FOXP2: variants seen among roughly 807,000 people sequenced by gnomAD.
FOXP2 encodes forkhead box P2, also known as forkhead box protein P2.
In FOXP2, 12 loss-of-function variants were observed where a neutral mutation model predicts 115.8. The ratio of observed to expected loss-of-function variants is 0.10; its 90% CI spans 0.07 to 0.17. The LOEUF is 0.17. FOXP2 is among the 10% of genes least tolerant of loss of function. The pLI, the probability that FOXP2 is intolerant of heterozygous loss-of-function variation, is 1.00. For synonymous variants in FOXP2, 328 were observed against 297.7 expected, an observed-to-expected ratio of 1.10 and a Z score of -1.05; for missense variants, 629 against 843.5, an observed-to-expected ratio of 0.75 and a Z score of 3.15.
chr7:114,146,269 G>A (rs1386572998), intron 1 of FOXP2, among the ~76,000 whole-genome samples: 1 of 152,174 alleles, frequency 6.6e-6, no homozygotes, highest in Non-Finnish European at 1.5e-5. Flanking sequence ...TAAATAACTC[G>A]TACATGCTTA....
intron 3 of FOXP2, among the ~76,000 whole-genome samples, chr7:114,572,838 A>G (rs181965718): frequency 1.3e-5 from 2 of 151,916 alleles, no homozygotes; most frequent in African/African-American, 4.8e-5. Context: ...AAAATGAGAC[A>G]TGAAGAAGTG....
At chr7:114,670,116 C>T (rs551039024) in intron 16 of FOXP2, 1 of 151,922 alleles carries the variant, frequency 6.6e-6, no homozygotes, top group Non-Finnish European at 1.5e-5. Context: ...TCCTCTTAGC[C>T]TCTATGTCAT....
chr7:114,112,035 A>T (rs2129142309), intron 1 of FOXP2, among the ~76,000 whole-genome samples: 1 of 152,216 alleles, frequency 6.6e-6, no homozygotes, highest in Admixed American at 6.5e-5. Context: ...ACAGGGACCA[A>T]ATATAGCAGC....
chr7:114,182,310 TTAGTAC>T (rs1793478578), intron 1 of FOXP2, among the ~76,000 whole-genome samples: 2 of 152,052 alleles, frequency 1.3e-5, no homozygotes, highest in African/African-American at 4.8e-5. Flanking sequence ...AACCAACTGT[TTAGTAC>T]TAGGTTCAAT....
chr7:114,186,520 C>T (rs1326277139), intron 1 of FOXP2, among the ~76,000 whole-genome samples: 1 of 104,828 alleles, frequency 9.5e-6, no homozygotes, highest in African/African-American at 2.6e-5. Context: ...GGGAATCGGG[C>T]CCCCAAGGCC....
chr7:114,688,450 T>C (rs1227368044), intron 16 of FOXP2, among the ~76,000 whole-genome samples: 3 of 152,198 alleles, frequency 2.0e-5, no homozygotes, highest in Admixed American at 6.6e-5. Flanking sequence ...CAAAGTTACT[T>C]CTTTCATTGA....
At chr7:114,582,693 A>G (rs938842114) in intron 3 of FOXP2, among the ~76,000 whole-genome samples, 1 of 152,220 alleles carries the variant, frequency 6.6e-6, no homozygotes, top group African/African-American at 2.4e-5. Flanking sequence ...AACTTTTTAA[A>G]TAATTGGTTA....
chr7:114,408,467 C>G (rs999665942), intron 2 of FOXP2, among the ~76,000 whole-genome samples: 1 of 152,118 alleles, frequency 6.6e-6, no homozygotes, highest in Non-Finnish European at 1.5e-5. Flanking sequence ...TGGCTCACAC[C>G]TGTAATTCCA....
At chr7:114,111,514 G>C (rs981026736) in intron 1 of FOXP2, among the ~76,000 whole-genome samples, 1 of 152,042 alleles carries the variant, frequency 6.6e-6, no homozygotes, top group Non-Finnish European at 1.5e-5. Flanking sequence ...GAGGTGGTTT[G>C]TTATATAGCA....
intron 1 of FOXP2, among the ~76,000 whole-genome samples, chr7:114,220,313 GA>G (rs1794590306): frequency 6.6e-6 from 1 of 151,928 alleles, no homozygotes; most frequent in Admixed American, 6.6e-5. Context: ...AAGATATAGG[GA>G]AAAATATGTT....
chr7:114,433,975 G>A (rs1420607297), intron 2 of FOXP2, among the ~76,000 whole-genome samples: 1 of 151,874 alleles, frequency 6.6e-6, no homozygotes, highest in Non-Finnish European at 1.5e-5. Flanking sequence ...TAATAGGCAT[G>A]ATATGGCTGC....
At chr7:114,384,676 A>G (rs1792397508) in intron 2 of FOXP2, among the ~76,000 whole-genome samples, 1 of 152,010 alleles carries the variant, frequency 6.6e-6, no homozygotes, top group Non-Finnish European at 1.5e-5. Context: ...TTGGAGTTAC[A>G]TTACCCTTTT....
At chr7:114,231,981 C>A in intron 1 of FOXP2, among the ~76,000 whole-genome samples, 1 of 151,808 alleles carries the variant, frequency 6.6e-6, no homozygotes, top group Non-Finnish European at 1.5e-5. Context: ...GAATTAATAT[C>A]TTAAAAAAAG....
chr7:114,590,802 T>C (rs1802403294), intron 3 of FOXP2, among the ~76,000 whole-genome samples: 1 of 152,100 alleles, frequency 6.6e-6, no homozygotes, highest in Non-Finnish European at 1.5e-5. Flanking sequence ...TCTTCTTGGC[T>C]TGCAGGATAT....
At chr7:114,599,099 C>A (rs1411804118) in intron 3 of FOXP2, among the ~76,000 whole-genome samples, 2 of 151,964 alleles carry the variant, frequency 1.3e-5, no homozygotes, top group African/African-American at 4.8e-5. Context: ...CCTGGGACTT[C>A]CAGTAAGAGT....
chr7:114,122,301 ATATAG>A (rs1020054971), intron 1 of FOXP2, among the ~76,000 whole-genome samples: 6 of 152,032 alleles, frequency 3.9e-5, no homozygotes, highest in African/African-American at 1.4e-4. Flanking sequence ...TTGATTCCAA[ATATAG>A]TAGAGTTTTT....
At chr7:114,606,718 A>G (rs1408926521) in intron 3 of FOXP2, among the ~76,000 whole-genome samples, 1 of 152,190 alleles carries the variant, frequency 6.6e-6, no homozygotes, top group South Asian at 2.1e-4. Context: ...TCTTACAAAT[A>G]AAGCCATAGA....
chr7:114,105,192 G>A (rs1490605802), intron 1 of FOXP2, among the ~76,000 whole-genome samples: 1 of 151,982 alleles, frequency 6.6e-6, no homozygotes, highest in Non-Finnish European at 1.5e-5. Context: ...ACCAGTTTTT[G>A]TGTAATTTTT....
At chr7:114,214,400 C>A (rs1794436403) in intron 1 of FOXP2, among the ~76,000 whole-genome samples, 2 of 152,154 alleles carry the variant, frequency 1.3e-5, no homozygotes, top group African/African-American at 4.8e-5. Flanking sequence ...TTCTTAGGGT[C>A]ATGAATTTGG....
Sources: gnomAD v4.1 joint callset for allele counts (sites outside exome capture counted in the v4.1 genomes callset) on GRCh38, gnomAD v4.1.1 for gene constraint, MANE v1.5 for transcripts, NCBI Gene and HGNC (gene_info 2026-07-23, HGNC 2026-07-21) for gene names.